The following MTSS2 variants were observed in gnomAD, a reference collection of about 807,000 sequenced individuals.
MTSS2 encodes protein MTSS 2.
Under a neutral mutation model 67.1 loss-of-function variants are expected in MTSS2, and 27 were observed. The observed-to-expected ratio is 0.40, with a 90% confidence interval of 0.30 to 0.55. The LOEUF (loss-of-function observed/expected upper bound fraction) is 0.55, where lower values mean the gene tolerates loss of function less well. MTSS2 is among the 20% of genes least tolerant of loss of function. The pLI is 0.43. For synonymous variants in MTSS2, 624 were observed against 468.6 expected (o/e 1.33, Z -4.28); for missense variants, 1,171 against 1,067.8 (o/e 1.10, Z -1.35).
chr16:70,670,517 A>G (rs1336348269), intron 11 of MTSS2, among the ~76,000 whole-genome samples: 2 of 152,228 alleles, frequency 1.3e-5, no homozygotes, highest in African/African-American at 2.4e-5. Flanking sequence ...GTCCATCAAA[A>G]TGGTTAAATT....
Position 70,661,386 on chromosome 16 carries a change from G to T in MTSS2, c.*2291C>A, listed in dbSNP as rs75391648. 5 of 360,896 alleles carry T rather than the reference G, an allele frequency of 1.4e-5. No individual in the cohort carries two copies. Among genetic ancestry groups the T allele is most frequent in the African/African-American group, 5.6e-5 (2 of 35,672 alleles). The allele number at this position is 360,896 out of a possible 1,614,324, so 22.4% of individuals were successfully genotyped here. The stretch of plus-strand genomic sequence containing the variant: ...TTCAGATGGGACGGAGGGTGGGGGA[G>T]GGGGGGAGGGTGAGTAGGAACCAGG... On this transcript the variant is annotated 3_prime_UTR_variant, in exon 15 of 15. Transcript: ENST00000338779.
At chr16:70,683,949 C>A (rs2053379338) in intron 1 of MTSS2, among the ~76,000 whole-genome samples, 1 of 152,244 alleles carries the variant, frequency 6.6e-6, no homozygotes, top group South Asian at 2.1e-4. Flanking sequence ...TTGGCATCAT[C>A]CCAGGTGAAG....
intron 11 of MTSS2, among the ~76,000 whole-genome samples, chr16:70,667,602 G>T (rs964241086): frequency 6.6e-6 from 1 of 152,172 alleles, no homozygotes; most frequent in Non-Finnish European, 1.5e-5. Context: ...GCTGGGCATG[G>T]TGGCTCACAC....
intron 1 of MTSS2, 84 bp downstream of exon 1, chr16:70,685,639 C>G (rs1456366390): frequency 3.6e-6 from 3 of 841,158 alleles, no homozygotes; most frequent in Non-Finnish European, 4.5e-6. Context: ...CGCGGCCACA[C>G]GAGGCTCGGC....
chr16:70,670,992 AAAAGT>A (rs1250349544), intron 11 of MTSS2, among the ~76,000 whole-genome samples: 1 of 151,230 alleles, frequency 6.6e-6, no homozygotes. Context: ...AAAAAAAAAA[AAAAGT>A]CAAAAGTAGT....
In MTSS2 at chr16:70,664,999, G is replaced by A. The variant is rs763375984; in HGVS notation, c.1226C>T (p.Pro409Leu). Residue 409 changes from proline to leucine, a missense_variant, in exon 13 of 15, where the codon CCT becomes CTT. Coordinates refer to ENST00000338779, the MANE Select transcript of MTSS2 (RefSeq NM_138383.3). Reference protein sequence around the residue: ...VELLRDTEPGPASGGTLGPSG... With the variant: ...VELLRDTEPGLASGGTLGPSG... ...GGGGCCCAGGGTGCCCCCACTGGCA[G>A]GGCCTGGCTCTGTGTCTCGCAGGAG... The A allele has an allele frequency of 7.5e-6, 12 of 1,592,618 alleles. No individual in the cohort carries two copies. In the South Asian group the frequency reaches 1.3e-4, roughly 18 times the overall value.
At chr16:70,671,355 T>C (rs1327292760) in intron 11 of MTSS2, among the ~76,000 whole-genome samples, 1 of 149,362 alleles carries the variant, frequency 6.7e-6, no homozygotes, top group African/African-American at 2.5e-5. Context: ...GTAGCCAAGA[T>C]CGCACCATTG....
chr16:70,676,128 C>A (rs1344770257), intron 10 of MTSS2, among the ~76,000 whole-genome samples: 1 of 152,216 alleles, frequency 6.6e-6, no homozygotes, highest in East Asian at 1.9e-4. Flanking sequence ...GAGAGGGGTG[C>A]CTGGCAAAGG....
intron 7 of MTSS2, 56 bp from the exon 8 acceptor site, chr16:70,678,465 C>A: frequency 1.3e-6 from 2 of 1,566,708 alleles, no homozygotes; most frequent in Non-Finnish European, 8.6e-7. Context: ...CTTGCCACAC[C>A]CACAAATGGG....
intron 3 of MTSS2, among the ~76,000 whole-genome samples, chr16:70,680,361 G>A (rs1278198708): frequency 6.6e-6 from 1 of 152,170 alleles, no homozygotes; most frequent in Non-Finnish European, 1.5e-5. Context: ...CCAGATGCAG[G>A]TGCGGGAGTG....
chr16:70,671,707 A>G (rs902276429), intron 11 of MTSS2, among the ~76,000 whole-genome samples: 1 of 152,210 alleles, frequency 6.6e-6, no homozygotes, highest in Non-Finnish European at 1.5e-5. Flanking sequence ...AGGATATTTT[A>G]TTAATTAAAA....
chr16:70,661,350 G>GAAACA lies in MTSS2; in HGVS notation c.*2322_*2326dup. The GAAACA allele has an allele frequency of 2.6e-6, 1 of 389,968 alleles. No individual in the cohort carries two copies. The highest frequency in any genetic ancestry group is 1.7e-5 in the South Asian group (1 of 59,988). The allele number at this position is 389,968 out of a possible 1,614,324, so 24.2% of individuals were successfully genotyped here. A position where few individuals can be genotyped will look rare whatever the true frequency, so the allele number is the denominator to read the frequency against. On this transcript the variant is annotated 3_prime_UTR_variant, in exon 15 of 15. Transcript: ENST00000338779. ...TTTCCAAAATCTGACGGAAAGAAAA[G>GAAACA]AAACAAATGGTTCAGATGGGACGGA...
chr16:70,670,993 AAAGTC>A (rs2052915292), intron 11 of MTSS2, among the ~76,000 whole-genome samples: 1 of 151,256 alleles, frequency 6.6e-6, no homozygotes, highest in Non-Finnish European at 1.5e-5. Context: ...AAAAAAAAAA[AAAGTC>A]AAAAGTAGTC....
rs773427738 is a variant in MTSS2, at chr16:70,664,366, G to A, written c.1555C>T (p.Arg519Cys). ...TAGTTCTGGGCGATGTTGCTGTTGC[G>A]CGGGATGGTGGATGACTTGTCAAAC... ...PEFDKSSTIP[R>C]NSNIAQNYRR... Residue 519 changes from arginine to cysteine, a missense_variant, in exon 15 of 15, where the codon CGC becomes TGC. Transcript: ENST00000338779. 3 of 1,589,784 alleles carry A rather than the reference G, an allele frequency of 1.9e-6. No homozygotes were observed. The highest frequency in any genetic ancestry group is 1.2e-5 in the South Asian group (1 of 86,680).
rs559783450 is a variant in MTSS2, at chr16:70,674,432, G to C, written c.927C>G (p.Ser309Arg). 12 of 1,614,216 alleles carry C rather than the reference G, an allele frequency of 7.4e-6. No individual in the cohort carries two copies. The highest frequency in any genetic ancestry group is 2.7e-5 in the African/African-American group (2 of 75,074). ...CGGTGGTGGTGGCTGGCTGCGCCAG[G>C]CTGCGGTAGCGACAGGTGGAACTGG... The part of the protein sequence containing the change: ...YSPSSTCRYR[S>R]LAQPATTTAR... The change falls in exon 11 of 15, where the codon AGC becomes AGG. Residue 309 changes from serine to arginine, a missense_variant. By Grantham distance (110) the Ser-to-Arg change is moderately radical (BLOSUM62 -1). Coordinates refer to ENST00000338779, the MANE Select transcript of MTSS2 (RefSeq NM_138383.3).
chr16:70,685,484 T>C (rs995277925), intron 1 of MTSS2, among the ~76,000 whole-genome samples: 1 of 151,800 alleles, frequency 6.6e-6, no homozygotes, highest in South Asian at 2.1e-4. Context: ...CAGGCTCGGG[T>C]CAGGACCCCA....
rs201207637 is a variant in MTSS2, at chr16:70,682,579, G to A, written c.70-1554C>T. The stretch of plus-strand genomic sequence containing the variant: ...CCATGGGGAGGGGACAAGATGGGGC[G>A]CAGGGGAGGCCAGGCCATTTCCCCT... On this transcript the variant is annotated intron_variant, in intron 1 of 14. Coordinates refer to ENST00000338779, the MANE Select transcript of MTSS2 (RefSeq NM_138383.3). 5.5e-4 allele frequency among the ~76,000 whole-genome samples: 83 copies of A among 152,114 alleles called. No homozygotes were observed. The East Asian group carries it at 0.012, about 23-fold the overall frequency.
At chr16:70,685,325 C>T (rs2053418264) in intron 1 of MTSS2, among the ~76,000 whole-genome samples, 2 of 152,178 alleles carry the variant, frequency 1.3e-5, no homozygotes, top group Non-Finnish European at 2.9e-5. Context: ...ACAGCATTGT[C>T]TGGGCTCCGG....
In MTSS2 at chr16:70,662,976, C is replaced by T. The variant is rs1182233457; in HGVS notation, c.*701G>A. 6.6e-6 allele frequency: 1 copy of T among 152,646 alleles called. No homozygotes were observed. The highest frequency in any genetic ancestry group is 6.5e-5 in the Admixed American group (1 of 15,296). The allele number at this position is 152,646 out of a possible 1,614,324, so 9.5% of individuals were successfully genotyped here. A position where few individuals can be genotyped will look rare whatever the true frequency, so the allele number is the denominator to read the frequency against. ...TGCTCTGGCCCCCTCCAGCCAGCCTCACGGGGTGGGGGAGGCGAGGGGTGG... is the reference window on the plus strand; with the variant it reads ...TGCTCTGGCCCCCTCCAGCCAGCCTTACGGGGTGGGGGAGGCGAGGGGTGG... On this transcript the variant is annotated 3_prime_UTR_variant, in exon 15 of 15. Transcript: ENST00000338779.
Sources: allele counts gnomAD v4.1 joint callset (sites outside exome capture counted in the v4.1 genomes callset), GRCh38; gene constraint gnomAD v4.1.1; transcripts MANE v1.5; gene names NCBI Gene and HGNC (gene_info 2026-07-23, HGNC 2026-07-21).